Variants in SFMBT1 observed in about 807,000 individuals in gnomAD.
SFMBT1 encodes scm-like with four MBT domains protein 1.
In SFMBT1, 32 loss-of-function variants were observed where a neutral mutation model predicts 108.7. The ratio of observed to expected loss-of-function variants is 0.29; its 90% confidence interval spans 0.22 to 0.40. The LOEUF (loss-of-function observed/expected upper bound fraction) is 0.40. Among genes scored for constraint, SFMBT1 ranks in the 10% least tolerant of loss-of-function variants. The probability of loss-of-function intolerance (pLI) is 1.00; values close to 1 mark genes in which losing one functional copy is unlikely to be tolerated. For synonymous variants in SFMBT1, 348 were observed against 369.5 expected, an observed-to-expected ratio of 0.94 and a Z score of 0.67; for missense variants, 816 against 1,059.6, an observed-to-expected ratio of 0.77 and a Z score of 3.19.
intron 9 of SFMBT1, among the ~76,000 whole-genome samples, chr3:52,926,375 T>C (rs1226217165): frequency 6.6e-6 from 1 of 152,248 alleles, no homozygotes; most frequent in Non-Finnish European, 1.5e-5. Context: ...GCATTTATTT[T>C]GAGCACTATT....
At chr3:53,039,812 C>A (rs749349638) in intron 1 of SFMBT1, among the ~76,000 whole-genome samples, 1 of 151,370 alleles carries the variant, frequency 6.6e-6, no homozygotes, top group East Asian at 1.9e-4. Context: ...TTTTGGTATA[C>A]TTTTTTTTTA....
At chr3:52,949,871 C>G (rs1703512924) in intron 3 of SFMBT1, among the ~76,000 whole-genome samples, 1 of 152,092 alleles carries the variant, frequency 6.6e-6, no homozygotes, top group African/African-American at 2.4e-5. Flanking sequence ...AATGTCCTAA[C>G]ATTCCTTGCT....
intron 4 of SFMBT1, among the ~76,000 whole-genome samples, chr3:52,940,911 T>C (rs902870787): frequency 1.3e-5 from 2 of 152,208 alleles, no homozygotes; most frequent in Non-Finnish European, 2.9e-5. Flanking sequence ...GGCACAGCTT[T>C]TGCATTTTTC....
At chr3:52,988,362 G>C (rs180983518) in intron 1 of SFMBT1, among the ~76,000 whole-genome samples, 1 of 152,060 alleles carries the variant, frequency 6.6e-6, no homozygotes, top group African/African-American at 2.4e-5. Context: ...GAGAACTTTT[G>C]GATAGGCTAC....
At chr3:53,016,901 T>C (rs2066154718) in intron 1 of SFMBT1, among the ~76,000 whole-genome samples, 1 of 152,232 alleles carries the variant, frequency 6.6e-6, no homozygotes, top group South Asian at 2.1e-4. Context: ...GCCTTTCACA[T>C]TGGAAATTTC....
intron 1 of SFMBT1, among the ~76,000 whole-genome samples, chr3:53,022,036 C>T (rs937717000): frequency 3.3e-5 from 5 of 152,068 alleles, no homozygotes; most frequent in South Asian, 2.1e-4. Flanking sequence ...CTCTAGAATT[C>T]GTCTATGGCA....
chr3:52,941,533 G>C (rs1164673529), intron 4 of SFMBT1, among the ~76,000 whole-genome samples: 1 of 144,280 alleles, frequency 6.9e-6, no homozygotes, highest in Admixed American at 7.4e-5. Flanking sequence ...GGTGGAGGCT[G>C]CAGTGAGCTG....
At chr3:52,909,416 A>C (rs987180301) in intron 17 of SFMBT1, among the ~76,000 whole-genome samples, 2 of 152,244 alleles carry the variant, frequency 1.3e-5, no homozygotes, top group African/African-American at 4.8e-5. Flanking sequence ...AATCCAATAA[A>C]TATAAATAGA....
intron 4 of SFMBT1, 93 bp from the exon 5 acceptor site, chr3:52,934,994 C>G: frequency 9.8e-7 from 1 of 1,017,246 alleles, no homozygotes; most frequent in South Asian, 1.5e-5. Flanking sequence ...AGGTATTTCA[C>G]ATTTTAAGAT....
At chr3:53,042,433 G>A (rs1700087319) in intron 1 of SFMBT1, among the ~76,000 whole-genome samples, 1 of 152,198 alleles carries the variant, frequency 6.6e-6, no homozygotes, top group Non-Finnish European at 1.5e-5. Flanking sequence ...TCGAACTCCT[G>A]GGCTCAAAGG....
chr3:52,932,162 T>C lies in SFMBT1; in HGVS notation c.600A>G (p.Glu200=), dbSNP rs377354008. The C allele has an allele frequency of 1.2e-5, 19 of 1,614,194 alleles. No individual in the cohort carries two copies. The East Asian group carries it at 1.3e-4, about 11-fold the overall frequency. ...GRLKLRYEGL[E]SSDNYEHWLY... ...ACCAATGTTCATAATTGTCAGAACT[T>C]TCAAGTCCTTCATAACGTAGCTTCA... is the stretch of plus-strand genomic sequence containing the variant. The change falls in exon 6 of 21, where the codon GAA becomes GAG. Residue 200 remains glutamate (E), a synonymous_variant. Transcript: ENST00000394752.
intron 8 of SFMBT1, among the ~76,000 whole-genome samples, chr3:52,929,600 AGGGCCTTCT>A (rs1185895622): frequency 1.3e-5 from 2 of 152,192 alleles, no homozygotes; most frequent in Non-Finnish European, 2.9e-5. Flanking sequence ...GACTCTAGGT[AGGGCCTTCT>A]GGCCCCACCT....
chr3:52,952,329 G>C (rs967397317), intron 3 of SFMBT1, among the ~76,000 whole-genome samples: 2 of 152,208 alleles, frequency 1.3e-5, no homozygotes. Flanking sequence ...TATATTCACA[G>C]ACAACACTGA....
chr3:53,031,791 T>A (rs1389774210), intron 1 of SFMBT1, among the ~76,000 whole-genome samples: 1 of 152,152 alleles, frequency 6.6e-6, no homozygotes, highest in Admixed American at 6.5e-5. Flanking sequence ...AATAATGCAT[T>A]GGTGTATAGT....
chr3:52,923,972 C>T (rs1248241853), intron 10 of SFMBT1, among the ~76,000 whole-genome samples: 2 of 151,926 alleles, frequency 1.3e-5, no homozygotes, highest in East Asian at 1.9e-4. Flanking sequence ...CAGAAAGGGT[C>T]GGGGGAAAAG....
intron 2 of SFMBT1, 118 bp from the exon 3 acceptor site, chr3:52,954,529 A>C: frequency 1.3e-6 from 1 of 793,536 alleles, no homozygotes; most frequent in Non-Finnish European, 2.0e-6. Context: ...GATTTTGCAC[A>C]AAAGAATTAA....
chr3:52,929,558 C>G (rs921208195), intron 8 of SFMBT1, among the ~76,000 whole-genome samples: 1 of 152,296 alleles, frequency 6.6e-6, no homozygotes, highest in East Asian at 1.9e-4. Context: ...ACTTTATGAA[C>G]TTCCTCTGGC....
At chr3:52,955,265 T>C (rs931919005) in intron 2 of SFMBT1, among the ~76,000 whole-genome samples, 2 of 151,702 alleles carry the variant, frequency 1.3e-5, no homozygotes, top group Admixed American at 6.6e-5. Context: ...ATAAAAAAAT[T>C]AGCCAGGCAT....
intron 2 of SFMBT1, among the ~76,000 whole-genome samples, chr3:52,957,811 A>C (rs552795459): frequency 6.6e-6 from 1 of 152,340 alleles, no homozygotes; most frequent in Non-Finnish European, 1.5e-5. Flanking sequence ...AAATTAACTC[A>C]AGATGCATTA....
Sources: allele counts gnomAD v4.1 joint callset (sites outside exome capture counted in the v4.1 genomes callset), GRCh38; gene constraint gnomAD v4.1.1; transcripts MANE v1.5; gene names NCBI Gene and HGNC (gene_info 2026-07-23, HGNC 2026-07-21).